The following ST6GALNAC5 variants were observed in gnomAD, a reference collection of about 807,000 sequenced individuals.
ST6GALNAC5 encodes alpha-N-acetylgalactosaminide alpha-2,6-sialyltransferase 5.
Under a neutral mutation model 33.6 loss-of-function variants are expected in ST6GALNAC5, and 27 were observed. That is an observed-to-expected ratio of 0.80 (90% CI 0.59 to 1.11). ST6GALNAC5 has a LOEUF of 1.11. Ranked by LOEUF, ST6GALNAC5 falls within the 50% of genes least tolerant of loss-of-function variation. The pLI, the probability that ST6GALNAC5 is intolerant of heterozygous loss-of-function variation, is 0.00. For synonymous variants in ST6GALNAC5, 194 were observed against 171.2 expected (o/e 1.13, Z -1.04); for missense variants, 428 against 454.0 (o/e 0.94, Z 0.52).
intron 2 of ST6GALNAC5, among the ~76,000 whole-genome samples, chr1:77,007,943 C>T (rs1042911889): frequency 6.6e-6 from 1 of 152,220 alleles, no homozygotes; most frequent in Admixed American, 6.5e-5. Flanking sequence ...ACTGAAGAGT[C>T]ACATCCAGCT....
intron 2 of ST6GALNAC5, among the ~76,000 whole-genome samples, chr1:76,897,849 C>T (rs1646768991): frequency 1.3e-5 from 2 of 152,118 alleles, no homozygotes; most frequent in South Asian, 4.1e-4. Context: ...AGAAGCCTGG[C>T]CGTCAATACC....
intron 2 of ST6GALNAC5, among the ~76,000 whole-genome samples, chr1:76,896,315 T>G (rs928898592): frequency 1.3e-5 from 2 of 152,164 alleles, no homozygotes; most frequent in African/African-American, 4.8e-5. Flanking sequence ...AGTCCTGGGT[T>G]GGGGTAAATC....
intron 2 of ST6GALNAC5, among the ~76,000 whole-genome samples, chr1:76,949,478 C>A (rs1647659093): frequency 6.6e-6 from 1 of 152,162 alleles, no homozygotes; most frequent in Admixed American, 6.5e-5. Context: ...TTAGACCCAG[C>A]TCTTCCACTA....
intron 2 of ST6GALNAC5, among the ~76,000 whole-genome samples, chr1:77,022,061 G>A (rs796082127): frequency 4.6e-4 from 70 of 152,276 alleles, no homozygotes; most frequent in African/African-American, 1.7e-3. Context: ...GTGCTATCTG[G>A]GAAGTGGCCA....
At chr1:77,030,485 G>A (rs935299465) in intron 2 of ST6GALNAC5, among the ~76,000 whole-genome samples, 1 of 152,186 alleles carries the variant, frequency 6.6e-6, no homozygotes, top group Non-Finnish European at 1.5e-5. Flanking sequence ...TGTTATTTTG[G>A]CAGTTGGACC....
At chr1:76,946,021 T>C (rs936359050) in intron 2 of ST6GALNAC5, among the ~76,000 whole-genome samples, 1 of 152,104 alleles carries the variant, frequency 6.6e-6, no homozygotes, top group Non-Finnish European at 1.5e-5. Context: ...ACAGAAATGA[T>C]TGATTTGCAT....
At chr1:76,994,075 A>G (rs941697246) in intron 2 of ST6GALNAC5, among the ~76,000 whole-genome samples, 10 of 152,312 alleles carry the variant, frequency 6.6e-5, no homozygotes, top group Middle Eastern at 3.4e-3. Context: ...CTTATCAGAG[A>G]AGGCAACAGG....
chr1:76,905,672 A>G (rs758817791), intron 2 of ST6GALNAC5, among the ~76,000 whole-genome samples: 17 of 152,250 alleles, frequency 1.1e-4, no homozygotes, highest in Non-Finnish European at 2.2e-4. Context: ...GACTAAAAAT[A>G]TATTTTCCAC....
chr1:76,874,706 T>G (rs1653588044), intron 2 of ST6GALNAC5, among the ~76,000 whole-genome samples: 1 of 152,126 alleles, frequency 6.6e-6, no homozygotes, highest in African/African-American at 2.4e-5. Context: ...TGGCTCTGCC[T>G]TCCCCAGCGC....
rs181798883 is a variant in ST6GALNAC5, at chr1:77,007,223, T to G, written c.262-36981T>G. ...AACTGCTTGATTCAGTATTCTGACG[T>G]GAACTCAGGGTTATCTGAAAACTTT... On this transcript the variant is annotated intron_variant, in intron 2 of 4. Coordinates refer to ENST00000477717, the MANE Select transcript of ST6GALNAC5 (RefSeq NM_030965.3). Among the ~76,000 whole-genome samples, 292 of 152,322 alleles carry G rather than the reference T, an allele frequency of 1.9e-3. 3 individuals are homozygous for G. Among genetic ancestry groups the G allele is most frequent in the South Asian group, 0.015 (73 of 4,824 alleles).
At chr1:76,881,038 C>T (rs1653767511) in intron 2 of ST6GALNAC5, among the ~76,000 whole-genome samples, 1 of 152,144 alleles carries the variant, frequency 6.6e-6, no homozygotes, top group African/African-American at 2.4e-5. Context: ...ATCAACAAGT[C>T]ATTCCTTAAA....
intron 4 of ST6GALNAC5, among the ~76,000 whole-genome samples, chr1:77,060,852 G>A (rs1362999175): frequency 6.6e-6 from 1 of 152,046 alleles, no homozygotes; most frequent in Non-Finnish European, 1.5e-5. Flanking sequence ...CCAATAAAAT[G>A]TCCAAAACTT....
intron 2 of ST6GALNAC5, among the ~76,000 whole-genome samples, chr1:77,035,704 A>G (rs957529348): frequency 6.6e-6 from 1 of 152,326 alleles, no homozygotes; most frequent in East Asian, 1.9e-4. Flanking sequence ...GGAAAATGCA[A>G]ATCAAAAGCA....
chr1:76,965,182 C>A (rs1229091352), intron 2 of ST6GALNAC5, among the ~76,000 whole-genome samples: 1 of 150,866 alleles, frequency 6.6e-6, no homozygotes, highest in Non-Finnish European at 1.5e-5. Context: ...GGAATTGCCA[C>A]ACTGTCTTCC....
chr1:76,906,322 C>T (rs1488828219), intron 2 of ST6GALNAC5, among the ~76,000 whole-genome samples: 1 of 152,084 alleles, frequency 6.6e-6, no homozygotes, highest in Non-Finnish European at 1.5e-5. Flanking sequence ...GTTTCTCACA[C>T]TGGTGTTTTT....
chr1:77,056,544 A>G (rs576871283), intron 4 of ST6GALNAC5, among the ~76,000 whole-genome samples: 1 of 152,308 alleles, frequency 6.6e-6, no homozygotes, highest in South Asian at 2.1e-4. Flanking sequence ...GGTATCATGA[A>G]TATCAGAGAG....
In ST6GALNAC5 at chr1:77,013,121, G is replaced by A. The variant is rs532831494; in HGVS notation, c.262-31083G>A. Among the ~76,000 whole-genome samples, 8 of 152,264 alleles carry A rather than the reference G, an allele frequency of 5.3e-5. No homozygotes were observed. In the South Asian group the frequency reaches 8.3e-4, roughly 16 times the overall value. Reference sequence around the variant, plus strand: ...AGGCAAGGGCACCCCACAGTCCTGCGGGTGCACGGTGAGCAACCAGAACTA... The same window carrying A: ...AGGCAAGGGCACCCCACAGTCCTGCAGGTGCACGGTGAGCAACCAGAACTA... On this transcript the variant is annotated intron_variant, in intron 2 of 4. Transcript: ENST00000477717.
chr1:77,054,663 G>A (rs1045988680), intron 4 of ST6GALNAC5, among the ~76,000 whole-genome samples: 1 of 152,084 alleles, frequency 6.6e-6, no homozygotes, highest in Non-Finnish European at 1.5e-5. Context: ...ATATCTTGGG[G>A]GAGCAAACTG....
chr1:77,040,533 G>A (rs567321771), intron 2 of ST6GALNAC5, among the ~76,000 whole-genome samples: 4 of 151,594 alleles, frequency 2.6e-5, no homozygotes, highest in East Asian at 2.0e-4. Context: ...TGGCCTTCTC[G>A]GAAAGAGTGT....
Sources: gnomAD v4.1 joint callset for allele counts (sites outside exome capture counted in the v4.1 genomes callset) on GRCh38, gnomAD v4.1.1 for gene constraint, MANE v1.5 for transcripts, NCBI Gene and HGNC (gene_info 2026-07-23, HGNC 2026-07-21) for gene names.